The following ZBTB38 variants were observed in gnomAD, a reference collection of about 807,000 sequenced individuals.
ZBTB38 encodes zinc finger and BTB domain containing 38.
Under a neutral mutation model 76.8 loss-of-function variants are expected in ZBTB38, and 20 were observed. That is an observed-to-expected ratio of 0.26 (90% CI 0.18 to 0.38). The LOEUF (loss-of-function observed/expected upper bound fraction) is 0.38. Ranked by LOEUF, ZBTB38 falls within the 10% of genes least tolerant of loss-of-function variation. ZBTB38 has a pLI of 1.00. For synonymous variants in ZBTB38, 504 were observed against 544.2 expected (o/e 0.93, Z 1.03); for missense variants, 1,082 against 1,482.3 (o/e 0.73, Z 4.43).
chr3:141,427,067 T>A (rs1280903058), intron 5 of ZBTB38, among the ~76,000 whole-genome samples: 1 of 152,140 alleles, frequency 6.6e-6, no homozygotes, highest in Non-Finnish European at 1.5e-5. Flanking sequence ...GCAGGGCAGT[T>A]CAGGTTGACC....
Position 141,443,260 on chromosome 3 carries a change from A to T in ZBTB38, c.872A>T (p.Glu291Val), listed in dbSNP as rs753130794. 3.7e-6 allele frequency: 6 copies of T among 1,614,192 alleles called. No individual in the cohort carries two copies. The highest frequency in any genetic ancestry group is 4.2e-6 in the Non-Finnish European group (5 of 1,179,996). ...CCACCCCCTCCAGTATCCAACTTAG[A>T]GGTTAATCAAGAAAGAAGTCCACAA... ...NIPPPPVSNL[E>V]VNQERSPQPA... Residue 291 changes from glutamate to valine, a missense_variant, in exon 6 of 6, where the codon GAG becomes GTG. Glu to Val is a moderately radical substitution (Grantham distance 121, BLOSUM62 -2). Transcript: ENST00000321464. The surrounding 1 kb of genome is among the most constrained non-coding windows in gnomAD (Gnocchi z 5.6).
chr3:141,327,882 C>T (rs937483106), intron 1 of ZBTB38, among the ~76,000 whole-genome samples: 5 of 152,066 alleles, frequency 3.3e-5, no homozygotes, highest in Non-Finnish European at 7.4e-5. Context: ...GCCAGGGAAA[C>T]GACTGGTTGG....
intron 1 of ZBTB38, among the ~76,000 whole-genome samples, chr3:141,360,829 A>C (rs917351026): frequency 6.6e-6 from 1 of 152,302 alleles, no homozygotes; most frequent in Admixed American, 6.5e-5. Flanking sequence ...ACAATAAAAA[A>C]GTCTCCAGAT....
rs1553760104 is a variant in ZBTB38 at position 141,340,949 on chromosome 3, G to GGAAAGAAAGAAAGAAAAA, written c.-739+16509_-739+16510insAAGAAAGAAAGAAAGAAA. 3.6e-5 allele frequency among the ~76,000 whole-genome samples: 4 copies of GGAAAGAAAGAAAGAAAAA among 111,928 alleles called. No homozygotes were observed. In the East Asian group the frequency reaches 9.6e-4, roughly 27 times the overall value. The allele number at this position is 111,928 out of a possible 152,430, so 73.4% of individuals were successfully genotyped here. On this transcript the variant is annotated intron_variant, in intron 1 of 7. Coordinates refer to the ZBTB38 transcript ENST00000509842. ...GGAAAAAAGAAAAGAAAAGAAAGAA[G>GGAAAGAAAGAAAGAAAAA]GAAAGAAAGAAAGAAAGAAAGAAAG...
At chr3:141,428,238 T>C (rs1434337755) in intron 5 of ZBTB38, among the ~76,000 whole-genome samples, 1 of 152,232 alleles carries the variant, frequency 6.6e-6, no homozygotes, top group East Asian at 1.9e-4. Flanking sequence ...CTTTTCCAGC[T>C]GCCAGCTTCT....
intron 1 of ZBTB38, among the ~76,000 whole-genome samples, chr3:141,362,617 A>G (rs900086375): frequency 1.0e-4 from 15 of 150,508 alleles, no homozygotes; most frequent in African/African-American, 3.7e-4. Flanking sequence ...TTGTTTGTCC[A>G]ATTTCTTTTT....
intron 5 of ZBTB38, among the ~76,000 whole-genome samples, chr3:141,407,631 T>C (rs943166665): frequency 3.3e-5 from 5 of 152,232 alleles, no homozygotes; most frequent in African/African-American, 1.2e-4. Context: ...CAATTTAGTA[T>C]GGACAAGAAT....
chr3:141,412,363 C>T (rs914944650), intron 5 of ZBTB38, among the ~76,000 whole-genome samples: 11 of 152,126 alleles, frequency 7.2e-5, no homozygotes, highest in African/African-American at 2.2e-4. Flanking sequence ...CCATTTTCTG[C>T]GAGCTGAATC....
chr3:141,426,079 T>G, intron 5 of ZBTB38: 1 of 1,197,258 alleles, frequency 8.4e-7, no homozygotes, highest in Non-Finnish European at 1.1e-6. Flanking sequence ...GGGACATTGT[T>G]GCATTTGTTT....
intron 4 of ZBTB38, among the ~76,000 whole-genome samples, chr3:141,396,691 G>T (rs1950413556): frequency 6.6e-6 from 1 of 152,162 alleles, no homozygotes; most frequent in Admixed American, 6.5e-5. Context: ...ATTATTCTTT[G>T]ATCAGGACTA....
At chr3:141,375,883 G>A (rs538907810) in intron 2 of ZBTB38, among the ~76,000 whole-genome samples, 15 of 152,268 alleles carry the variant, frequency 9.9e-5, no homozygotes, top group African/African-American at 3.6e-4. Flanking sequence ...CTGTGTGCTG[G>A]GCTGCCTTCT....
At position 141,444,187 on chromosome 3, in the gene ZBTB38, C is replaced by T. The variant is rs200713441; in HGVS notation, c.1799C>T (p.Pro600Leu). 1.9e-6 allele frequency: 3 copies of T among 1,614,046 alleles called. No homozygotes were observed. Among genetic ancestry groups the T allele is most frequent in the Non-Finnish European group, 2.5e-6 (3 of 1,180,026 alleles). The change falls in exon 6 of 6, where the codon CCT becomes CTT. Residue 600 changes from proline (P) to leucine (L), a missense_variant. Physicochemically the swap from Pro to Leu is moderately conservative, Grantham distance 98. This residue lies in a region of ZBTB38 where 471 missense variants were observed against 581.0 expected (regional missense o/e 0.81). Transcript: ENST00000321464. The surrounding 1 kb of genome is among the most constrained non-coding windows in gnomAD (Gnocchi z 5.1). ...AACAGTCAAATGAATGAGTCTGCAC[C>T]TGGTACCTATGTTGTTCAGAATCCA... ...RENSQMNESA[P>L]GTYVVQNPHS... is the part of the protein sequence containing the mutation.
intron 5 of ZBTB38, among the ~76,000 whole-genome samples, chr3:141,414,118 CT>C (rs2073352054): frequency 6.6e-6 from 1 of 152,268 alleles, no homozygotes; most frequent in African/African-American, 2.4e-5. Context: ...TTTTTATAGA[CT>C]AAGATCTAAA....
rs747783650 is a variant in ZBTB38, at chr3:141,443,416, A to G, written c.1028A>G (p.Asn343Ser). ...GCAGAGGTTCCACCTCTGGTGTACA[A>G]TTGTAGCTGCTGTTCCAAAGCCTTT... ...PAAEVPPLVY[N>S]CSCCSKAFDS... Residue 343 changes from asparagine (N) to serine (S), a missense_variant, in exon 6 of 6, where the codon AAT becomes AGT. By Grantham distance (46) the Asn-to-Ser change is conservative. Around this residue, in one of 8 missense-constraint regions of ZBTB38, gnomAD observed 324 missense variants for 359.1 expected, o/e 0.90. Coordinates refer to ENST00000321464, the MANE Select transcript of ZBTB38 (RefSeq NM_001376113.1). This position sits in a 1 kb window ranked among gnomAD's most constrained non-coding sequence, Gnocchi z 5.6. 9 of 1,614,204 alleles carry G rather than the reference A, an allele frequency of 5.6e-6. No homozygotes were observed. Among genetic ancestry groups the G allele is most frequent in the East Asian group, 4.5e-5 (2 of 44,886 alleles).
At chr3:141,397,141 A>G (rs1239091371) in intron 4 of ZBTB38, among the ~76,000 whole-genome samples, 1 of 152,268 alleles carries the variant, frequency 6.6e-6, no homozygotes. Context: ...AGCCACCTTC[A>G]TCAATTGTCT....
At chr3:141,432,774 C>G (rs1297440855) in intron 5 of ZBTB38, among the ~76,000 whole-genome samples, 1 of 152,174 alleles carries the variant, frequency 6.6e-6, no homozygotes, top group East Asian at 1.9e-4. Context: ...GCTGGAAATA[C>G]TGGGAAGTAG....
chr3:141,418,378 A>G (rs1302219864), intron 5 of ZBTB38, among the ~76,000 whole-genome samples: 1 of 152,064 alleles, frequency 6.6e-6, no homozygotes, highest in African/African-American at 2.4e-5. Flanking sequence ...TCCCTCTTGG[A>G]TTCCAAGGAA....
intron 2 of ZBTB38, among the ~76,000 whole-genome samples, chr3:141,376,689 T>C (rs1317445044): frequency 6.6e-6 from 1 of 152,210 alleles, no homozygotes; most frequent in Non-Finnish European, 1.5e-5. Context: ...GATACTCAGA[T>C]GACATTCTAA....
intron 1 of ZBTB38, among the ~76,000 whole-genome samples, chr3:141,360,351 T>C (rs1313145244): frequency 1.3e-5 from 2 of 152,168 alleles, no homozygotes; most frequent in Non-Finnish European, 2.9e-5. Context: ...GGCGTGTGCC[T>C]GGAGTGAGGG....
Sources: gnomAD v4.1 joint callset for allele counts (sites outside exome capture counted in the v4.1 genomes callset) on GRCh38, gnomAD v4.1.1 for gene constraint, gnomAD v4.1.1 regional missense constraint, Gnocchi (gnomAD v3.1) non-coding constraint, MANE v1.5 for transcripts, NCBI Gene and HGNC (gene_info 2026-07-23, HGNC 2026-07-21) for gene names.